SHB: variants seen among roughly 807,000 people sequenced by gnomAD.
SHB encodes the protein SH2 domain-containing adapter protein B.
In SHB, 20 loss-of-function variants were observed where a neutral mutation model predicts 52.3. The ratio of observed to expected loss-of-function variants is 0.38; its 90% CI spans 0.27 to 0.56. The LOEUF is 0.56. SHB is among the 20% of genes least tolerant of loss of function. The pLI is 0.71. For synonymous variants in SHB, 397 were observed against 316.5 expected (o/e 1.25, Z -2.70); for missense variants, 825 against 723.3 (o/e 1.14, Z -1.61).
intron 1 of SHB, among the ~76,000 whole-genome samples, chr9:38,064,641 A>G (rs1821937958): frequency 6.6e-6 from 1 of 152,210 alleles, no homozygotes; most frequent in African/African-American, 2.4e-5. Flanking sequence ...TGGGAAACAA[A>G]GGATGAAATT....
intron 1 of SHB, among the ~76,000 whole-genome samples, chr9:38,017,360 G>C (rs146222093): frequency 3.3e-4 from 50 of 152,338 alleles, no homozygotes; most frequent in Non-Finnish European, 5.6e-4. Context: ...ACAGGAGCCT[G>C]TTCTCTCAGC....
chr9:37,972,512 A>G (rs1820602063), intron 3 of SHB, among the ~76,000 whole-genome samples: 1 of 152,184 alleles, frequency 6.6e-6, no homozygotes, highest in Admixed American at 6.5e-5. Flanking sequence ...GGCAAGACCA[A>G]CATCTACAGA....
At position 37,934,586 on chromosome 9, in the gene SHB, C is replaced by A. The variant is rs149411702; in HGVS notation, c.1346+14049G>T. Among the ~76,000 whole-genome samples the A allele has an allele frequency of 1.4e-4, 21 of 152,318 alleles. 1 individual carries two copies. The highest frequency in any genetic ancestry group is 3.4e-3 in the Middle Eastern group (1 of 294). On this transcript the variant is annotated intron_variant, in intron 5 of 5. Transcript: ENST00000377707. ...AAAGTGCTAGGATTACAGGCGTGAGCCACTGTGTACAGTTGGGTCCAAGAA... is the reference window on the plus strand; with the variant it reads ...AAAGTGCTAGGATTACAGGCGTGAGACACTGTGTACAGTTGGGTCCAAGAA...
intron 1 of SHB, among the ~76,000 whole-genome samples, chr9:38,055,368 C>A (rs1379235951): frequency 6.6e-6 from 1 of 152,096 alleles, no homozygotes; most frequent in Non-Finnish European, 1.5e-5. Context: ...GAGAAACAGG[C>A]TATAGTGGTC....
chr9:37,942,133 A>G (rs560793202), intron 5 of SHB, among the ~76,000 whole-genome samples: 25 of 152,342 alleles, frequency 1.6e-4, no homozygotes, highest in African/African-American at 5.3e-4. Flanking sequence ...AGTGCCCCTC[A>G]GCTCTTCTTG....
chr9:38,015,482 T>C (rs1406991897), intron 2 of SHB: 3 of 702,880 alleles, frequency 4.3e-6, no homozygotes, highest in Non-Finnish European at 5.2e-6. Context: ...CCTGTAAACC[T>C]GTCATGTAGA....
chr9:37,998,037 A>ACAGGCACTTGCTGCATTCTGCTGTGGTGG (rs1430154674), intron 2 of SHB, among the ~76,000 whole-genome samples: 1 of 152,238 alleles, frequency 6.6e-6, no homozygotes, highest in African/African-American at 2.4e-5. Flanking sequence ...AGCCCGTGTG[A>ACAGGCACTTGCTGCATTCTGCTGTGGTGG]CAGGCACTTG....
chr9:38,068,522 G>A lies in SHB; in HGVS notation c.124C>T (p.Gln42Ter). The A allele has an allele frequency of 2.0e-6, 3 of 1,463,744 alleles. No homozygotes were observed. The highest frequency in any genetic ancestry group is 2.7e-6 in the Non-Finnish European group (3 of 1,117,786). 90.7% of individuals were successfully genotyped at this position (1,463,744 alleles called of 1,614,324 possible). A position where few individuals can be genotyped will look rare whatever the true frequency, so the allele number is the denominator to read the frequency against. Residue 42 changes from glutamine (Q) to a stop codon, truncating the protein, a stop_gained, in exon 1 of 6, where the codon CAG (glutamine) becomes TAG (stop). Coordinates refer to ENST00000377707, the MANE Select transcript of SHB (RefSeq NM_003028.3). LOFTEE classifies it high-confidence loss of function. ...GCGGAGGAGGCCTGCGGCACGGCCTGGGGGGGCTGCGAAGGCCGCTCGCCT... is the reference window on the plus strand; with the variant it reads ...GCGGAGGAGGCCTGCGGCACGGCCTAGGGGGGCTGCGAAGGCCGCTCGCCT... ...RRGERPSQPPQAVPQASSAAS... is the reference protein window; with the variant it reads ...RRGERPSQPP
rs2117891725 is a variant in SHB at position 37,948,635 on chromosome 9, C to T, written c.1346G>A (p.Arg449Lys). 1 of 1,613,398 alleles carries T rather than the reference C, an allele frequency of 6.2e-7. No individual in the cohort carries two copies. Among genetic ancestry groups the T allele is most frequent in the Non-Finnish European group, 8.5e-7 (1 of 1,179,990 alleles). Residue 449 changes from arginine (R) to lysine (K), a missense_variant and splice_region_variant, in exon 5 of 6, where the codon AGG becomes AAG. By Grantham distance (26) the Arg-to-Lys change is conservative. Coordinates refer to ENST00000377707, the MANE Select transcript of SHB (RefSeq NM_003028.3). ...TSKHDYSLSL[R>K]SNQGFMHMKL... is the part of the protein sequence containing the mutation. Reference sequence around the variant, plus strand: ...TGGGGGTGCTCGGGGCGGCACTCACCTCAGGGAGAGGGAGTAGTCATGCTT... The same window carrying T: ...TGGGGGTGCTCGGGGCGGCACTCACTTCAGGGAGAGGGAGTAGTCATGCTT...
intron 2 of SHB, among the ~76,000 whole-genome samples, chr9:38,006,758 C>G (rs1821080415): frequency 6.6e-6 from 1 of 152,206 alleles, no homozygotes; most frequent in African/African-American, 2.4e-5. Context: ...GTGCCAGCAG[C>G]ACGGGGAAAA....
chr9:37,982,102 A>T (rs1820734891), intron 2 of SHB, among the ~76,000 whole-genome samples: 1 of 152,212 alleles, frequency 6.6e-6, no homozygotes. Context: ...TGTAAAAAAA[A>T]AAAAAATGCA....
At chr9:37,995,800 G>T (rs1439201780) in intron 2 of SHB, among the ~76,000 whole-genome samples, 6 of 152,114 alleles carry the variant, frequency 3.9e-5, no homozygotes, top group Admixed American at 3.9e-4. Flanking sequence ...CATCTATTCT[G>T]CAGAGAAGGT....
At chr9:38,056,976 T>C (rs1352789647) in intron 1 of SHB, among the ~76,000 whole-genome samples, 3 of 152,214 alleles carry the variant, frequency 2.0e-5, no homozygotes, top group African/African-American at 7.2e-5. Context: ...CCGAGGATTG[T>C]GTGAGAAGGG....
At chr9:38,054,671 G>A (rs1015427392) in intron 1 of SHB, among the ~76,000 whole-genome samples, 3 of 152,130 alleles carry the variant, frequency 2.0e-5, no homozygotes, top group African/African-American at 7.2e-5. Flanking sequence ...AGATACAATC[G>A]CACATCTGAG....
At chr9:37,968,030 C>T (rs1364773786) in intron 3 of SHB, among the ~76,000 whole-genome samples, 9 of 152,156 alleles carry the variant, frequency 5.9e-5, no homozygotes, top group African/African-American at 2.2e-4. Flanking sequence ...TCCGTGCTTC[C>T]CATTGCCAGG....
At chr9:38,032,074 G>A (rs889583386) in intron 1 of SHB, among the ~76,000 whole-genome samples, 36 of 152,120 alleles carry the variant, frequency 2.4e-4, no homozygotes, top group Non-Finnish European at 4.0e-4. Context: ...GCCAGGGCCC[G>A]AGAACCTCGG....
intron 1 of SHB, among the ~76,000 whole-genome samples, chr9:38,042,616 G>A (rs962269553): frequency 1.3e-5 from 2 of 152,206 alleles, no homozygotes; most frequent in Non-Finnish European, 2.9e-5. Context: ...ACCTCCAAGG[G>A]AGTGACATTT....
At chr9:38,050,385 T>C (rs961333888) in intron 1 of SHB, among the ~76,000 whole-genome samples, 1 of 152,234 alleles carries the variant, frequency 6.6e-6, no homozygotes, top group Non-Finnish European at 1.5e-5. Flanking sequence ...ATTTAGACTA[T>C]GAATGCAAGG....
At chr9:38,027,651 G>C (rs1031266327) in intron 1 of SHB, among the ~76,000 whole-genome samples, 1 of 151,060 alleles carries the variant, frequency 6.6e-6, no homozygotes, top group Non-Finnish European at 1.5e-5. Context: ...ATCTGACAGA[G>C]GAAACTCTGG....
Sources: allele counts gnomAD v4.1 joint callset (sites outside exome capture counted in the v4.1 genomes callset), GRCh38; gene constraint gnomAD v4.1.1; transcripts MANE v1.5; gene names NCBI Gene and HGNC (gene_info 2026-07-23, HGNC 2026-07-21).